The following ARSG variants were observed in gnomAD, a reference collection of about 807,000 sequenced individuals.
ARSG encodes ASG.
A neutral mutation model predicts 50.5 loss-of-function variants in ARSG; 37 were observed. The ratio of observed to expected loss-of-function variants is 0.73; its 90% confidence interval spans 0.56 to 0.96. The LOEUF (loss-of-function observed/expected upper bound fraction) is 0.96. Ranked by LOEUF, ARSG falls within the 50% of genes least tolerant of loss-of-function variation. ARSG has a pLI of 0.00. For missense variants in ARSG, 629 were observed against 675.3 expected (o/e 0.93, Z 0.76); for synonymous variants, 225 against 254.6 (o/e 0.88, Z 1.11).
At chr17:68,433,711 G>A in the ARSG span, 1 of 424,694 alleles carries the variant, frequency 2.4e-6, no homozygotes, top group Non-Finnish European at 4.1e-6. Flanking sequence ...TAAACACTGT[G>A]GTGCTCATAT....
the ARSG span, chr17:68,436,313 A>T: frequency 6.9e-7 from 1 of 1,450,124 alleles, no homozygotes; most frequent in Non-Finnish European, 9.7e-7. Context: ...GGGCGTCCTT[A>T]TCTATCTCCT....
At chr17:68,305,125 G>C (rs1370181070) in intron 1 of ARSG, among the ~76,000 whole-genome samples, 3 of 152,170 alleles carry the variant, frequency 2.0e-5, no homozygotes, top group Admixed American at 1.3e-4. Context: ...AGTGAGCTGG[G>C]ATCTGTCTCT....
intron 10 of ARSG, among the ~76,000 whole-genome samples, chr17:68,397,894 G>A (rs900413549): frequency 1.3e-5 from 2 of 152,128 alleles, no homozygotes; most frequent in Admixed American, 6.5e-5. Flanking sequence ...AGCCTCCCAA[G>A]TAGCTGGTAT....
chr17:68,377,434 T>G (rs79056523), intron 8 of ARSG, among the ~76,000 whole-genome samples: 4,646 of 152,308 alleles, frequency 0.031, 89 homozygotes, highest in South Asian at 0.067. Flanking sequence ...TCTTTCTACA[T>G]CGGTGGGAGG....
chr17:68,339,382 T>C (rs1380341123), intron 2 of ARSG, among the ~76,000 whole-genome samples: 1 of 152,238 alleles, frequency 6.6e-6, no homozygotes, highest in East Asian at 1.9e-4. Flanking sequence ...ATACTGTTAT[T>C]ATACTCAGAA....
intron 2 of ARSG, among the ~76,000 whole-genome samples, chr17:68,334,623 G>A (rs1384449397): frequency 6.6e-6 from 1 of 152,068 alleles, no homozygotes; most frequent in African/African-American, 2.4e-5. Context: ...CGTTGACTAA[G>A]GTCGCCTCGT....
At chr17:68,370,638 T>A (rs112689631) in intron 8 of ARSG, 114 bp downstream of exon 8, 16 of 905,854 alleles carry the variant, frequency 1.8e-5, no homozygotes, top group Non-Finnish European at 2.8e-5. Context: ...AGGGTCATCA[T>A]TGTGAAACAG....
At chr17:68,259,504 T>G (rs1756111645) in intron 1 of ARSG, 2 of 152,232 alleles carry the variant, frequency 1.3e-5, no homozygotes, top group Admixed American at 1.3e-4. Flanking sequence ...ACTTTGTAGA[T>G]TCTGATATCT....
At chr17:68,259,181 C>T (rs1364387682), upstream of ARSG, 1 of 152,268 alleles carries the variant, frequency 6.6e-6, no homozygotes, top group African/African-American at 2.4e-5. Flanking sequence ...TCGCTGTCCC[C>T]GGCTGCGCCC....
chr17:68,358,396 T>C (rs984737479), intron 6 of ARSG, among the ~76,000 whole-genome samples: 8 of 150,316 alleles, frequency 5.3e-5, no homozygotes, highest in Admixed American at 2.0e-4. Flanking sequence ...TTACAAAAAA[T>C]TATAAAAAGT....
chr17:68,272,718 T>C (rs2075381932), intron 1 of ARSG: 2 of 1,614,062 alleles, frequency 1.2e-6, no homozygotes, highest in South Asian at 1.1e-5. Flanking sequence ...TGCCAAAATA[T>C]TGTGATAGGA....
At chr17:68,433,451 C>T in the ARSG span, 2 of 1,608,940 alleles carry the variant, frequency 1.2e-6, no homozygotes, top group Non-Finnish European at 1.7e-6. Context: ...GCATTTGGTG[C>T]CCCGCGGAGT....
intron 2 of ARSG, among the ~76,000 whole-genome samples, chr17:68,309,690 C>T (rs2145635199): frequency 6.6e-6 from 1 of 152,082 alleles, no homozygotes; most frequent in African/African-American, 2.4e-5. Flanking sequence ...GAAACCCTCT[C>T]TCTACTAAAA....
chr17:68,386,239 A>C (rs908523361), intron 9 of ARSG, among the ~76,000 whole-genome samples: 7 of 152,224 alleles, frequency 4.6e-5, no homozygotes, highest in African/African-American at 1.7e-4. Flanking sequence ...CCCTGTGTTC[A>C]CTAACAAGGG....
chr17:68,361,129 A>T (rs1324568452), intron 6 of ARSG, among the ~76,000 whole-genome samples: 1 of 151,954 alleles, frequency 6.6e-6, no homozygotes, highest in African/African-American at 2.4e-5. Flanking sequence ...CCGGCCTGAA[A>T]TCAGACCTTT....
intron 1 of ARSG, chr17:68,273,964 C>A: frequency 6.2e-7 from 1 of 1,614,168 alleles, no homozygotes; most frequent in Non-Finnish European, 8.5e-7. Flanking sequence ...TATGAGAAAC[C>A]TCTTGTGAGA....
chr17:68,364,575 G>C (rs888606135), intron 6 of ARSG, among the ~76,000 whole-genome samples: 17 of 152,104 alleles, frequency 1.1e-4, no homozygotes, highest in Admixed American at 7.9e-4. Context: ...GGCCAGGCTG[G>C]TCTTGAACTC....
At chr17:68,380,849 G>A (rs549173635) in intron 8 of ARSG, among the ~76,000 whole-genome samples, 1 of 152,222 alleles carries the variant, frequency 6.6e-6, no homozygotes, top group South Asian at 2.1e-4. Context: ...GAGACTGAGG[G>A]AGGTTATGAA....
chr17:68,427,924 C>G, the ARSG span, among the ~76,000 whole-genome samples: 2 of 152,202 alleles, frequency 1.3e-5, no homozygotes, highest in Non-Finnish European at 2.9e-5. Flanking sequence ...GGGTCTCACT[C>G]TGTTGCCCAG....
Sources: gnomAD v4.1 joint callset for allele counts (sites outside exome capture counted in the v4.1 genomes callset) on GRCh38, gnomAD v4.1.1 for gene constraint, MANE v1.5 for transcripts, NCBI Gene and HGNC (gene_info 2026-07-23, HGNC 2026-07-21) for gene names.